CROCC2: variants seen among roughly 807,000 people sequenced by gnomAD.
The protein encoded by CROCC2 is ciliary rootlet coiled-coil protein 2.
Under a neutral mutation model 177.6 loss-of-function variants are expected in CROCC2, and 163 were observed. The ratio of observed to expected loss-of-function variants is 0.92; its 90% CI spans 0.81 to 1.05. CROCC2 has a LOEUF of 1.05. Among genes scored for constraint, CROCC2 ranks in the 50% least tolerant of loss-of-function variants. The probability of loss-of-function intolerance (pLI) is 0.00; values close to 1 mark genes in which losing one functional copy is unlikely to be tolerated. For missense variants in CROCC2, 1,929 were observed against 1,797.8 expected, an observed-to-expected ratio of 1.07 and a Z score of -1.32; for synonymous variants, 904 against 787.3, an observed-to-expected ratio of 1.15 and a Z score of -2.48.
chr2:240,958,906 C>T lies in CROCC2; in HGVS notation c.2944-395C>T, dbSNP rs1025368171. Among the ~76,000 whole-genome samples, 2 of 152,148 alleles carry T rather than the reference C, an allele frequency of 1.3e-5. No individual in the cohort carries two copies. Among genetic ancestry groups the T allele is most frequent in the African/African-American group, 2.4e-5 (1 of 41,452 alleles). On this transcript the variant is annotated intron_variant, in intron 19 of 31. Coordinates refer to ENST00000690015, the MANE Select transcript of CROCC2 (RefSeq NM_001351305.2). This position sits in a 1 kb window ranked among gnomAD's most constrained non-coding sequence, Gnocchi z 6.7. ...CTGCTGGCCACACTGCCCCAAGGCCCGAGAGGACACCTCGGGTGGTGTGTG... is the reference window on the plus strand; with the variant it reads ...CTGCTGGCCACACTGCCCCAAGGCCTGAGAGGACACCTCGGGTGGTGTGTG...
intron 30 of CROCC2, 121 bp from the exon 31 acceptor site, chr2:240,991,075 C>A: frequency 1.5e-6 from 1 of 647,768 alleles, no homozygotes; most frequent in Non-Finnish European, 2.5e-6. Context: ...GCCACCTCTC[C>A]TTGGGAGCTG....
At position 240,958,221 on chromosome 2, in the gene CROCC2, C is replaced by T; in HGVS notation, c.2944-1080C>T. 1.0e-6 allele frequency: 1 copy of T among 979,746 alleles called. No homozygotes were observed. The highest frequency in any genetic ancestry group is 1.2e-6 in the Non-Finnish European group (1 of 824,766). 60.7% of individuals were successfully genotyped at this position (979,746 alleles called of 1,614,324 possible). The stretch of plus-strand genomic sequence containing the variant: ...AGGCTGAGTCACCACTGCCATCGGG[C>T]TCCCAGCCGATGCCCTGTCCCTGAG... On this transcript the variant is annotated intron_variant, in intron 19 of 31. Coordinates refer to ENST00000690015, the MANE Select transcript of CROCC2 (RefSeq NM_001351305.2). This position sits in a 1 kb window ranked among gnomAD's most constrained non-coding sequence, Gnocchi z 6.7.
At chr2:240,942,672 T>A (rs1300884007) in intron 14 of CROCC2, among the ~76,000 whole-genome samples, 1 of 152,190 alleles carries the variant, frequency 6.6e-6, no homozygotes, top group Admixed American at 6.5e-5. Context: ...ATTGCCTTTA[T>A]CCAGTCCAGG....
At chr2:240,983,074 G>T in intron 28 of CROCC2, 45 bp downstream of exon 28, 2 of 1,530,474 alleles carry the variant, frequency 1.3e-6, no homozygotes, top group Non-Finnish European at 8.8e-7. Flanking sequence ...CCAGGAGGCG[G>T]TGAACAGGCC....
In CROCC2 at chr2:240,949,846, T is replaced by A; in HGVS notation, c.2652+144T>A. ...CAGGGCTGGGCAAGGACCAGCTCAC[T>A]CTTTATAGTTCACGTGGGCATCCAG... On this transcript the variant is annotated intron_variant, in intron 17 of 31. Coordinates refer to ENST00000690015, the MANE Select transcript of CROCC2 (RefSeq NM_001351305.2). This position sits in a 1 kb window ranked among gnomAD's most constrained non-coding sequence, Gnocchi z 4.5. 1 of 849,218 alleles carries A rather than the reference T, an allele frequency of 1.2e-6. No individual in the cohort carries two copies. The highest frequency in any genetic ancestry group is 1.8e-6 in the Non-Finnish European group (1 of 554,084). The allele number at this position is 849,218 out of a possible 1,614,324, so 52.6% of individuals were successfully genotyped here. A position where few individuals can be genotyped will look rare whatever the true frequency, so the allele number is the denominator to read the frequency against.
rs543906366 is a variant in CROCC2, at chr2:240,911,954, G to T, written c.78+5363G>T. ...TGTGAAAATGCTGCTGTGAACCTCG[G>T]AGTACAAATATTTCTTCGAGCCTCT... On this transcript the variant is annotated intron_variant, in intron 1 of 31. Transcript: ENST00000690015. 1.1e-4 allele frequency among the ~76,000 whole-genome samples: 17 copies of T among 152,288 alleles called. No individual in the cohort carries two copies. In the South Asian group the frequency reaches 3.5e-3, roughly 32 times the overall value.
chr2:240,973,921 G>A lies in CROCC2; in HGVS notation c.4401+5659G>A, dbSNP rs754973462. ...CATTGAACTCCCCTGTACATATTCC[G>A]CAGCTGTCATCATAAAGAATACACT... On this transcript the variant is annotated intron_variant, in intron 27 of 31. Coordinates refer to ENST00000690015, the MANE Select transcript of CROCC2 (RefSeq NM_001351305.2). The surrounding 1 kb of genome is among the most constrained non-coding windows in gnomAD (Gnocchi z 4.7). Among the ~76,000 whole-genome samples, 72 of 152,078 alleles carry A rather than the reference G, an allele frequency of 4.7e-4. No homozygotes were observed. The highest frequency in any genetic ancestry group is 1.1e-3 in the Admixed American group (17 of 15,276).
intron 19 of CROCC2, chr2:240,957,564 C>G (rs1038220616): frequency 1.3e-5 from 2 of 152,222 alleles, no homozygotes; most frequent in Admixed American, 1.3e-4. Flanking sequence ...GACTCGGAGC[C>G]GGGATGGAGG....
At position 240,973,513 on chromosome 2, in the gene CROCC2, C is replaced by T. The variant is rs866491178; in HGVS notation, c.4401+5251C>T. ...CGGCGTTCTTGGACTCTTGCCCAGG[C>T]CTCCTTCCCCCACTGTGCCCACGTG... On this transcript the variant is annotated intron_variant, in intron 27 of 31. Coordinates refer to ENST00000690015, the MANE Select transcript of CROCC2 (RefSeq NM_001351305.2). The surrounding 1 kb of genome is among the most constrained non-coding windows in gnomAD (Gnocchi z 4.7). Among the ~76,000 whole-genome samples, 15 of 152,316 alleles carry T rather than the reference C, an allele frequency of 9.8e-5. No homozygotes were observed. In the Middle Eastern group the frequency reaches 0.01, roughly 104 times the overall value.
chr2:240,965,539 C>T (rs2059675845), intron 23 of CROCC2, 21 bp downstream of exon 23: 1 of 1,550,246 alleles, frequency 6.5e-7, no homozygotes, highest in Non-Finnish European at 8.7e-7. Flanking sequence ...TGCCTGTGGT[C>T]AGAAGGGAAG....
chr2:240,963,561 G>C lies in CROCC2; in HGVS notation c.3093G>C (p.Glu1031Asp), dbSNP rs2059656879. ...AGCTGAATGGTCCTCCCCAGGCTGA[G>C]AGGCTGCGGGCACAGCTGACCGTGG... ...AERGDVEREA[E>D]RLRAQLTVAQ... Residue 1031 changes from glutamate (E) to aspartate (D), a missense_variant, in exon 21 of 32, where the codon GAG becomes GAC. Glu to Asp is a conservative substitution (Grantham distance 45). This residue lies in a region of CROCC2 where 1,397 missense variants were observed against 1,239.9 expected (regional missense o/e 1.13). Coordinates refer to ENST00000690015, the MANE Select transcript of CROCC2 (RefSeq NM_001351305.2). The C allele has an allele frequency of 2.6e-6, 4 of 1,541,480 alleles. No homozygotes were observed. The highest frequency in any genetic ancestry group is 1.4e-5 in the African/African-American group (1 of 72,770).
intron 1 of CROCC2, among the ~76,000 whole-genome samples, chr2:240,911,576 G>C (rs542823535): frequency 3.2e-4 from 48 of 152,278 alleles, no homozygotes; most frequent in African/African-American, 1.1e-3. Flanking sequence ...GGAATTACAG[G>C]TGTAAGCCGC....
rs1472980521 is a variant in CROCC2 at position 240,953,778 on chromosome 2, A to G, written c.2830-2081A>G. 6.8e-6 allele frequency among the ~76,000 whole-genome samples: 1 copy of G among 146,530 alleles called. No homozygotes were observed. The highest frequency in any genetic ancestry group is 2.0e-4 in the East Asian group (1 of 5,046). ...GAAGAAGAGGAATTATATGTGGAGCAAGAGCCAAAGACCTGGAGCCGCTGG... is the reference window on the plus strand; with the variant it reads ...GAAGAAGAGGAATTATATGTGGAGCGAGAGCCAAAGACCTGGAGCCGCTGG... On this transcript the variant is annotated intron_variant, in intron 18 of 31. Transcript: ENST00000690015. This position sits in a 1 kb window ranked among gnomAD's most constrained non-coding sequence, Gnocchi z 4.0.
At chr2:240,929,641 C>T (rs375552971) in intron 5 of CROCC2, 2 of 455,460 alleles carry the variant, frequency 4.4e-6, no homozygotes, top group South Asian at 1.5e-5. Context: ...CTTCTGTGTC[C>T]CTGGCACCTT....
At chr2:240,976,318 C>G (rs1339712619) in intron 27 of CROCC2, among the ~76,000 whole-genome samples, 7 of 107,104 alleles carry the variant, frequency 6.5e-5, no homozygotes, top group Middle Eastern at 4.5e-3. Context: ...AGCCCAGGCT[C>G]ATCCCTGCTC....
chr2:240,966,144 G>A (rs1044914529), intron 24 of CROCC2, 81 bp from the exon 25 acceptor site: 1 of 1,253,626 alleles, frequency 8.0e-7, no homozygotes, highest in African/African-American at 1.5e-5. Flanking sequence ...CCCATGGCTG[G>A]GGCAGCAGAG....
chr2:240,932,298 C>T lies in CROCC2; in HGVS notation c.948-20C>T. ...CTCTGGGCCCTGCCCTTCACCCCCA[C>T]ACCCCCCGACTCCTCCCAGACTCTC... On this transcript the variant is annotated intron_variant, in intron 7 of 31. Coordinates refer to ENST00000690015, the MANE Select transcript of CROCC2 (RefSeq NM_001351305.2). 1 of 706,632 alleles carries T rather than the reference C, an allele frequency of 1.4e-6. No homozygotes were observed. Among genetic ancestry groups the T allele is most frequent in the Non-Finnish European group, 2.6e-6 (1 of 377,364 alleles). 43.8% of individuals were successfully genotyped at this position (706,632 alleles called of 1,614,324 possible).
At position 240,965,863 on chromosome 2, in the gene CROCC2, C is replaced by A; in HGVS notation, c.3831C>A (p.Ala1277=). 1 of 1,447,156 alleles carries A rather than the reference C, an allele frequency of 6.9e-7. No homozygotes were observed. The highest frequency in any genetic ancestry group is 9.1e-7 in the Non-Finnish European group (1 of 1,097,466). 89.6% of individuals were successfully genotyped at this position (1,447,156 alleles called of 1,614,324 possible). A position where few individuals can be genotyped will look rare whatever the true frequency, so the allele number is the denominator to read the frequency against. The change falls in exon 24 of 32, where the codon GCC becomes GCA. Residue 1277 remains alanine, a synonymous_variant. Coordinates refer to ENST00000690015, the MANE Select transcript of CROCC2 (RefSeq NM_001351305.2). ...HRIHSLEQEL[A]QAEGARQDAE... Reference sequence around the variant, plus strand: ...TCCACAGCCTGGAGCAGGAGCTGGCCCAGGCTGAGGGTGCAAGGCAGGATG... The same window carrying A: ...TCCACAGCCTGGAGCAGGAGCTGGCACAGGCTGAGGGTGCAAGGCAGGATG...
intron 1 of CROCC2, among the ~76,000 whole-genome samples, chr2:240,910,107 G>T (rs924479584): frequency 6.6e-6 from 1 of 152,140 alleles, no homozygotes; most frequent in Non-Finnish European, 1.5e-5. Context: ...CCACCCTGGA[G>T]CTGGAATTGG....
Sources: gnomAD v4.1 joint callset for allele counts (sites outside exome capture counted in the v4.1 genomes callset) on GRCh38, gnomAD v4.1.1 for gene constraint, gnomAD v4.1.1 regional missense constraint, Gnocchi (gnomAD v3.1) non-coding constraint, MANE v1.5 for transcripts, NCBI Gene and HGNC (gene_info 2026-07-23, HGNC 2026-07-21) for gene names.